Variants in SLC7A14 observed in about 807,000 individuals in gnomAD.
SLC7A14 encodes the protein solute carrier family 7 member 14.
A neutral mutation model predicts 60.2 loss-of-function variants in SLC7A14; 37 were observed. The ratio of observed to expected loss-of-function variants is 0.61; its 90% CI spans 0.47 to 0.81. The LOEUF (loss-of-function observed/expected upper bound fraction) is 0.81. Among genes scored for constraint, SLC7A14 ranks in the 30% least tolerant of loss-of-function variants. SLC7A14 has a pLI of 0.00. For synonymous variants in SLC7A14, 399 were observed against 395.8 expected, an observed-to-expected ratio of 1.01 and a Z score of -0.10; for missense variants, 886 against 982.7, an observed-to-expected ratio of 0.90 and a Z score of 1.32.
At chr3:170,525,607 T>C (rs140299731) in intron 2 of SLC7A14, among the ~76,000 whole-genome samples, 1 of 152,154 alleles carries the variant, frequency 6.6e-6, no homozygotes, top group Non-Finnish European at 1.5e-5. Context: ...TGCCTATCTT[T>C]ATTATTTATA....
intron 7 of SLC7A14, among the ~76,000 whole-genome samples, chr3:170,478,853 G>A (rs1471911093): frequency 6.6e-6 from 1 of 152,214 alleles, no homozygotes; most frequent in Non-Finnish European, 1.5e-5. Context: ...GCTGGGCACA[G>A]TGGCTCATGC....
At chr3:170,492,280 T>A (rs1481438587) in intron 4 of SLC7A14, among the ~76,000 whole-genome samples, 1 of 152,196 alleles carries the variant, frequency 6.6e-6, no homozygotes, top group Non-Finnish European at 1.5e-5. Context: ...GTATGTGTAT[T>A]TCTGGGTTTA....
intron 1 of SLC7A14, among the ~76,000 whole-genome samples, chr3:170,584,192 G>A (rs114225296): frequency 0.015 from 2,296 of 152,198 alleles, 21 homozygotes; most frequent in Admixed American, 0.024. Flanking sequence ...TCCCCATCTT[G>A]CCCATAATAT....
At chr3:170,477,930 A>G (rs1207960263) in intron 7 of SLC7A14, among the ~76,000 whole-genome samples, 1 of 152,222 alleles carries the variant, frequency 6.6e-6, no homozygotes, top group Non-Finnish European at 1.5e-5. Context: ...GTCTTGAATA[A>G]TTTGACAAAT....
intron 2 of SLC7A14, among the ~76,000 whole-genome samples, chr3:170,511,392 C>T (rs1395554395): frequency 2.0e-5 from 3 of 150,912 alleles, no homozygotes; most frequent in Admixed American, 1.3e-4. Context: ...AGCGAAACTC[C>T]GTCTTAAAAA....
At chr3:170,495,652 G>A (rs558931347) in intron 4 of SLC7A14, 5 of 836,448 alleles carry the variant, frequency 6.0e-6, no homozygotes, top group South Asian at 4.0e-5. Flanking sequence ...TTCAACCAGA[G>A]CCTGCTGAGC....
At position 170,467,224 on chromosome 3, in the gene SLC7A14, C is replaced by T. The variant is rs778519756; in HGVS notation, c.2147G>A (p.Ser716Asn). 6.2e-7 allele frequency: 1 copy of T among 1,614,268 alleles called. No homozygotes were observed. Among genetic ancestry groups the T allele is most frequent in the Non-Finnish European group, 8.5e-7 (1 of 1,180,052 alleles). Residue 716 changes from serine to asparagine, a missense_variant, in exon 8 of 8, where the codon AGC becomes AAC. Ser to Asn is a conservative substitution (Grantham distance 46, BLOSUM62 1). Transcript: ENST00000231706. ...EGFSYATEGE[S>N]QEDWGGPTED... The stretch of plus-strand genomic sequence containing the variant: ...AGTGGGCCCGCCCCAGTCCTCCTGG[C>T]TCTCGCCCTCTGTGGCGTAGGAGAA...
intron 2 of SLC7A14, among the ~76,000 whole-genome samples, chr3:170,515,630 G>C (rs185021927): frequency 3.1e-4 from 37 of 119,140 alleles, no homozygotes; most frequent in East Asian, 8.9e-4. Context: ...GTGTTGGGGT[G>C]GGGGGGGAGT....
At chr3:170,542,310 G>T (rs986451672) in intron 1 of SLC7A14, among the ~76,000 whole-genome samples, 5 of 152,114 alleles carry the variant, frequency 3.3e-5, no homozygotes, top group Non-Finnish European at 7.4e-5. Context: ...TCTCCCAGAG[G>T]CAACTAATTG....
At chr3:170,513,277 C>T (rs1713044759) in intron 2 of SLC7A14, among the ~76,000 whole-genome samples, 1 of 151,824 alleles carries the variant, frequency 6.6e-6, no homozygotes, top group Non-Finnish European at 1.5e-5. Context: ...TTAAAATAAT[C>T]TTAGAAATGT....
chr3:170,476,639 C>T (rs879358658), intron 7 of SLC7A14: 1 of 152,186 alleles, frequency 6.6e-6, no homozygotes, highest in Admixed American at 6.5e-5. Flanking sequence ...TACTTGTGGA[C>T]AATGAATCAT....
At chr3:170,559,473 A>G (rs779189614) in intron 1 of SLC7A14, among the ~76,000 whole-genome samples, 2 of 152,190 alleles carry the variant, frequency 1.3e-5, no homozygotes, top group Non-Finnish European at 2.9e-5. Context: ...TTACTATTAT[A>G]ATAGTTTTAA....
chr3:170,530,653 G>C (rs772771658), intron 1 of SLC7A14, among the ~76,000 whole-genome samples: 12 of 152,228 alleles, frequency 7.9e-5, no homozygotes, highest in Non-Finnish European at 1.8e-4. Context: ...TGTAGCTGCG[G>C]CAGAATCTTG....
chr3:170,522,548 A>C (rs183960954), intron 2 of SLC7A14, among the ~76,000 whole-genome samples: 150 of 152,370 alleles, frequency 9.8e-4, no homozygotes, highest in African/African-American at 3.4e-3. Flanking sequence ...AAAAGGTTAT[A>C]TACTGAATGA....
chr3:170,484,793 A>C, intron 5 of SLC7A14, among the ~76,000 whole-genome samples: 1 of 152,146 alleles, frequency 6.6e-6, no homozygotes, highest in East Asian at 1.9e-4. Context: ...AGTATGAAAG[A>C]GAATGTTTCC....
At chr3:170,497,676 A>G (rs1376270978) in intron 4 of SLC7A14, among the ~76,000 whole-genome samples, 2 of 152,218 alleles carry the variant, frequency 1.3e-5, no homozygotes, top group Non-Finnish European at 2.9e-5. Context: ...TCTCTGATTT[A>G]TGTTCTACCA....
chr3:170,577,308 C>G (rs1233199025), intron 1 of SLC7A14, among the ~76,000 whole-genome samples: 1 of 152,188 alleles, frequency 6.6e-6, no homozygotes, highest in Non-Finnish European at 1.5e-5. Flanking sequence ...ATCCCGCTCC[C>G]CACAGAGTAT....
chr3:170,498,883 C>A lies in SLC7A14; in HGVS notation c.543G>T (p.Gly181=), dbSNP rs1247666247. Residue 181 remains glycine (G), a splice_region_variant and synonymous_variant, in exon 4 of 8, where the codon GGG becomes GGT. Coordinates refer to ENST00000231706, the MANE Select transcript of SLC7A14 (RefSeq NM_020949.3). ...GGTCTGGGTATGATTCTTCACCTTTCCCTAGAGAGGAAAGACATGATTTGA... is the reference window on the plus strand; with the variant it reads ...GGTCTGGGTATGATTCTTCACCTTTACCTAGAGAGGAAAGACATGATTTGA... ...ADSVGTLNGL[G]KGEESYPDLL... 5 of 1,613,988 alleles carry A rather than the reference C, an allele frequency of 3.1e-6. No homozygotes were observed. Among genetic ancestry groups the A allele is most frequent in the Non-Finnish European group, 4.2e-6 (5 of 1,179,932 alleles).
intron 1 of SLC7A14, among the ~76,000 whole-genome samples, chr3:170,555,749 T>C (rs1714469798): frequency 6.6e-6 from 1 of 152,210 alleles, no homozygotes; most frequent in South Asian, 2.1e-4. Context: ...AGTATTATAA[T>C]CTTATGGGAC....
Sources: allele counts gnomAD v4.1 joint callset (sites outside exome capture counted in the v4.1 genomes callset), GRCh38; gene constraint gnomAD v4.1.1; transcripts MANE v1.5; gene names NCBI Gene and HGNC (gene_info 2026-07-23, HGNC 2026-07-21).